Variants in FAM13B observed in about 807,000 individuals in gnomAD.
FAM13B encodes protein FAM13B.
In FAM13B, 60 loss-of-function variants were observed where a neutral mutation model predicts 117.3. The observed-to-expected ratio is 0.51, with a 90% CI of 0.42 to 0.63. The LOEUF (loss-of-function observed/expected upper bound fraction) is 0.63, where lower values mean the gene tolerates loss of function less well. Ranked by LOEUF, FAM13B falls within the 30% of genes least tolerant of loss-of-function variation. The probability of loss-of-function intolerance (pLI) is 0.00; values close to 1 mark genes in which losing one functional copy is unlikely to be tolerated. For synonymous variants in FAM13B, 332 were observed against 356.1 expected (o/e 0.93, Z 0.76); for missense variants, 972 against 1,091.9 (o/e 0.89, Z 1.55).
At chr5:138,018,227 T>G (rs759060603) in intron 4 of FAM13B, 75 bp downstream of exon 4, 2 of 1,160,286 alleles carry the variant, frequency 1.7e-6, no homozygotes, top group Admixed American at 3.8e-5. Context: ...ACTGTTTACA[T>G]GTCAAGATTT....
chr5:137,944,898 C>T (rs1036031876), intron 20 of FAM13B, among the ~76,000 whole-genome samples: 1 of 149,136 alleles, frequency 6.7e-6, no homozygotes, highest in African/African-American at 2.5e-5. Context: ...AGCTAAACAT[C>T]GGGTACTCAT....
At position 137,942,968 on chromosome 5, in the gene FAM13B, T is replaced by C; in HGVS notation, c.2495A>G (p.Gln832Arg). ...AGATTCAGAGTTTTCTAATGAAGAC[T>C]GTACCTGTACTGCAGTTTTCAACAT... ...GDMLKTAVQV[Q>R]SSLENSESDV... The change falls in exon 22 of 24, where the codon CAG (glutamine) becomes CGG (arginine). Residue 832 changes from glutamine (Q) to arginine (R), a missense_variant. By Grantham distance (43) the Gln-to-Arg change is conservative. Coordinates refer to ENST00000689681, the MANE Select transcript of FAM13B (RefSeq NM_001385994.1). 6.2e-7 allele frequency: 1 copy of C among 1,613,698 alleles called. No homozygotes were observed. Among genetic ancestry groups the C allele is most frequent in the Non-Finnish European group, 8.5e-7 (1 of 1,179,838 alleles).
intron 4 of FAM13B, 114 bp downstream of exon 4, chr5:138,018,188 A>G: frequency 1.1e-5 from 10 of 931,190 alleles, no homozygotes; most frequent in Non-Finnish European, 1.6e-5. Flanking sequence ...ATGAGAAAAT[A>G]ACAAATTAAT....
chr5:138,044,051 T>A (rs1046240608), intron 1 of FAM13B, among the ~76,000 whole-genome samples: 1 of 152,050 alleles, frequency 6.6e-6, no homozygotes, highest in African/African-American at 2.4e-5. Context: ...CCTATGTAGC[T>A]GGAACTATAG....
rs1785775342 is a variant in FAM13B, at chr5:138,018,401, C to T, written c.271G>A (p.Val91Ile). The change falls in exon 4 of 24, where the codon GTT (valine) becomes ATT (isoleucine). Residue 91 changes from valine (V) to isoleucine (I), a missense_variant. Val to Ile is a conservative substitution (Grantham distance 29). Transcript: ENST00000689681. Reference protein sequence around the residue: ...EEVDLVKEADVPSAISLLRFF... With the variant: ...EEVDLVKEADIPSAISLLRFF... ...CTAAGAAGGCTAATAGCTGAGGGAA[C>T]ATCTGCTTCCTTAACCAAATCCACC... 8 of 1,614,156 alleles carry T rather than the reference C, an allele frequency of 5.0e-6. No homozygotes were observed. The highest frequency in any genetic ancestry group is 5.9e-6 in the Non-Finnish European group (7 of 1,180,002).
At chr5:138,025,468 C>T (rs548153263) in intron 1 of FAM13B, among the ~76,000 whole-genome samples, 1 of 151,570 alleles carries the variant, frequency 6.6e-6, no homozygotes, top group South Asian at 2.1e-4. Context: ...TCACTACTCC[C>T]GGCTCAGAAA....
rs2151098633 is a variant in FAM13B, at chr5:138,032,763, T to G, written c.-203+19A>C. 1.0e-6 allele frequency: 1 copy of G among 985,532 alleles called. No individual in the cohort carries two copies. Among genetic ancestry groups the G allele is most frequent in the Non-Finnish European group, 1.2e-6 (1 of 829,948 alleles). 61.0% of individuals were successfully genotyped at this position (985,532 alleles called of 1,614,324 possible). A position where few individuals can be genotyped will look rare whatever the true frequency, so the allele number is the denominator to read the frequency against. On this transcript the variant is annotated intron_variant, in intron 1 of 23. Coordinates refer to ENST00000689681, the MANE Select transcript of FAM13B (RefSeq NM_001385994.1). The stretch of plus-strand genomic sequence containing the variant: ...CAACCCGCGCATGCGCAGATCCGGG[T>G]ACCCGCCCGTTTACCTACCGTTGGA...
At chr5:138,016,478 T>TA (rs1252968592) in intron 4 of FAM13B, among the ~76,000 whole-genome samples, 7 of 151,874 alleles carry the variant, frequency 4.6e-5, no homozygotes, top group African/African-American at 1.7e-4. Flanking sequence ...TAAAAAATTT[T>TA]AAAAAATTAG....
chr5:138,008,969 C>G (rs1013539907), intron 6 of FAM13B, among the ~76,000 whole-genome samples: 3 of 152,174 alleles, frequency 2.0e-5, no homozygotes, highest in Non-Finnish European at 2.9e-5. Context: ...ATGGCAAAAT[C>G]CAACCTATAC....
Position 137,939,858 on chromosome 5 carries a change from A to G in FAM13B, c.*367T>C. 7.7e-7 allele frequency: 1 copy of G among 1,304,456 alleles called. No individual in the cohort carries two copies. 80.8% of individuals were successfully genotyped at this position (1,304,456 alleles called of 1,614,324 possible). On this transcript the variant is annotated 3_prime_UTR_variant, in exon 24 of 24. Coordinates refer to ENST00000689681, the MANE Select transcript of FAM13B (RefSeq NM_001385994.1). Reference sequence around the variant, plus strand: ...TGAAGATTTTCCTCCAATTTTCTTCAGTAATGAGAAACAAAAAGTTGGTAA... The same window carrying G: ...TGAAGATTTTCCTCCAATTTTCTTCGGTAATGAGAAACAAAAAGTTGGTAA...
chr5:137,947,889 G>T (rs562291258), intron 18 of FAM13B, among the ~76,000 whole-genome samples: 1 of 152,178 alleles, frequency 6.6e-6, no homozygotes, highest in East Asian at 1.9e-4. Context: ...CTGGCCAAAA[G>T]AAATTTTTTT....
At chr5:137,952,218 G>A (rs1038602045) in intron 17 of FAM13B, among the ~76,000 whole-genome samples, 1 of 152,004 alleles carries the variant, frequency 6.6e-6, no homozygotes, top group Admixed American at 6.6e-5. Context: ...TGGTATAAAC[G>A]AGTCACTGTG....
intron 16 of FAM13B, 57 bp from the exon 17 acceptor site, chr5:137,952,766 T>C (rs1765410680): frequency 9.9e-7 from 1 of 1,012,522 alleles, no homozygotes; most frequent in Admixed American, 2.1e-5. Context: ...GTTACATTAA[T>C]TTATGTCCAA....
At chr5:137,988,388 C>A in intron 7 of FAM13B, 73 bp from the exon 8 acceptor site, 1 of 1,170,074 alleles carries the variant, frequency 8.5e-7, no homozygotes, top group South Asian at 1.4e-5. Context: ...TGAAATCTGC[C>A]ATATTTGCAC....
At chr5:138,000,227 G>C (rs1780874402) in intron 7 of FAM13B, among the ~76,000 whole-genome samples, 1 of 152,018 alleles carries the variant, frequency 6.6e-6, no homozygotes, top group South Asian at 2.1e-4. Context: ...ACGAGACCTT[G>C]TATTTACAAC....
intron 10 of FAM13B, among the ~76,000 whole-genome samples, chr5:137,963,135 C>A (rs1768651289): frequency 1.3e-5 from 2 of 152,196 alleles, no homozygotes; most frequent in South Asian, 4.1e-4. Context: ...GTAAGTACCA[C>A]TTGTCCAGCT....
At chr5:137,970,929 C>T (rs1412729514) in intron 10 of FAM13B, among the ~76,000 whole-genome samples, 1 of 151,950 alleles carries the variant, frequency 6.6e-6, no homozygotes, top group African/African-American at 2.4e-5. Context: ...AATATATATG[C>T]ACCCAATACA....
intron 7 of FAM13B, among the ~76,000 whole-genome samples, chr5:137,994,430 G>T (rs1279296333): frequency 1.3e-5 from 2 of 152,188 alleles, no homozygotes; most frequent in Non-Finnish European, 2.9e-5. Flanking sequence ...GTCAAATCCT[G>T]TGGGTAAAAA....
chr5:137,977,891 T>G (rs1216495195), intron 10 of FAM13B, among the ~76,000 whole-genome samples: 2 of 152,168 alleles, frequency 1.3e-5, no homozygotes, highest in Non-Finnish European at 2.9e-5. Context: ...AACATAAATA[T>G]AAGGACATAT....
Sources: gnomAD v4.1 joint callset for allele counts (sites outside exome capture counted in the v4.1 genomes callset) on GRCh38, gnomAD v4.1.1 for gene constraint, MANE v1.5 for transcripts, NCBI Gene and HGNC (gene_info 2026-07-23, HGNC 2026-07-21) for gene names.